Variants in CUL3 observed in about 807,000 individuals in gnomAD.
CUL3 encodes the protein cullin-3.
Under a neutral mutation model 89.1 loss-of-function variants are expected in CUL3, and 19 were observed. That is an observed-to-expected ratio of 0.21 (90% CI 0.15 to 0.31). The LOEUF (loss-of-function observed/expected upper bound fraction) is 0.31. Ranked by LOEUF, CUL3 falls within the 10% of genes least tolerant of loss-of-function variation. CUL3 has a pLI of 1.00. For missense variants in CUL3, 469 were observed against 942.3 expected (o/e 0.50, Z 6.58); for synonymous variants, 351 against 308.4 (o/e 1.14, Z -1.45).
intron 1 of CUL3, among the ~76,000 whole-genome samples, chr2:224,584,154 G>A (rs531757649): frequency 6.6e-6 from 1 of 152,258 alleles, no homozygotes; most frequent in East Asian, 1.9e-4. Flanking sequence ...AAGTTTCTGA[G>A]CAGAACACGT....
intron 15 of CUL3, among the ~76,000 whole-genome samples, chr2:224,477,546 A>G (rs1052794664): frequency 3.9e-5 from 6 of 152,212 alleles, no homozygotes; most frequent in Non-Finnish European, 8.8e-5. Flanking sequence ...GGATGTGCCA[A>G]TACACAATAA....
At chr2:224,557,894 A>AAAAAAAAAAAAAAAAAG in intron 1 of CUL3, 38 bp from the exon 2 acceptor site, 1 of 1,149,724 alleles carries the variant, frequency 8.7e-7, no homozygotes, top group South Asian at 1.4e-5. Context: ...AAAAAAAAAA[A>AAAAAAAAAAAAAAAAAG]AAAAAAAAAA....
intron 2 of CUL3, among the ~76,000 whole-genome samples, chr2:224,540,606 A>G (rs1398576889): frequency 1.3e-5 from 2 of 152,192 alleles, no homozygotes; most frequent in East Asian, 3.8e-4. Context: ...TTCCCTTTGC[A>G]GAACTTCTTC....
intron 1 of CUL3, among the ~76,000 whole-genome samples, chr2:224,580,553 G>A (rs760011613): frequency 6.6e-6 from 1 of 152,120 alleles, no homozygotes; most frequent in Non-Finnish European, 1.5e-5. Flanking sequence ...ACGTGGTGGC[G>A]CAAACCGGTA....
intron 2 of CUL3, among the ~76,000 whole-genome samples, chr2:224,553,997 C>T (rs901335206): frequency 1.3e-5 from 2 of 152,118 alleles, no homozygotes; most frequent in South Asian, 2.1e-4. Flanking sequence ...ATCTACTGGA[C>T]CATATCTTCA....
At chr2:224,489,468 A>G (rs1436459871) in intron 13 of CUL3, among the ~76,000 whole-genome samples, 1 of 152,236 alleles carries the variant, frequency 6.6e-6, no homozygotes, top group Admixed American at 6.5e-5. Flanking sequence ...AATAATAGAC[A>G]AACAGCCAAA....
At chr2:224,542,912 T>C (rs569758589) in intron 2 of CUL3, among the ~76,000 whole-genome samples, 8 of 152,148 alleles carry the variant, frequency 5.3e-5, no homozygotes, top group African/African-American at 1.2e-4. Flanking sequence ...AATATCTCCA[T>C]GGATTGACAA....
rs367875240 is a variant in CUL3, at chr2:224,559,222, G to A, written c.67-1366C>T. On this transcript the variant is annotated intron_variant, in intron 1 of 15. Transcript: ENST00000264414. ...CCTAGCATTTTGGGAGACTGAGGCA[G>A]AAGGATCACTGGAGCTTAGGAGTTT... Among the ~76,000 whole-genome samples the A allele has an allele frequency of 2.2e-3, 328 of 152,182 alleles. 5 individuals are homozygous for A. Among genetic ancestry groups the A allele is most frequent in the African/African-American group, 7.1e-3 (295 of 41,516 alleles).
At chr2:224,506,779 A>G (rs1692618264) in intron 7 of CUL3, 79 bp downstream of exon 7, 1 of 1,229,568 alleles carries the variant, frequency 8.1e-7, no homozygotes, top group South Asian at 1.4e-5. Flanking sequence ...CACAATACAC[A>G]GCATGGTAAA....
chr2:224,514,356 GA>G (rs1692953766), intron 4 of CUL3, among the ~76,000 whole-genome samples: 1 of 151,942 alleles, frequency 6.6e-6, no homozygotes, highest in Admixed American at 6.5e-5. Context: ...AAAAATAAAT[GA>G]AAAGCCAAAA....
chr2:224,523,050 A>G (rs1359450599), intron 3 of CUL3, among the ~76,000 whole-genome samples: 1 of 152,196 alleles, frequency 6.6e-6, no homozygotes, highest in Non-Finnish European at 1.5e-5. Context: ...GGGAAAAAAA[A>G]CAGTTAATCA....
At chr2:224,533,935 TGTTTGTTCTCATTG>T (rs1693784812) in intron 3 of CUL3, among the ~76,000 whole-genome samples, 1 of 152,232 alleles carries the variant, frequency 6.6e-6, no homozygotes. Context: ...ACTTTACAGC[TGTTTGTTCTCATTG>T]GAAATTCTTC....
intron 3 of CUL3, among the ~76,000 whole-genome samples, chr2:224,522,070 T>TA (rs71062936): frequency 0.064 from 8,487 of 133,648 alleles, 651 homozygotes; most frequent in East Asian, 0.2. Flanking sequence ...CATTTAAAAT[T>TA]AAAAAAAAAA....
intron 13 of CUL3, among the ~76,000 whole-genome samples, chr2:224,492,803 G>C (rs1373755913): frequency 6.6e-6 from 1 of 152,122 alleles, no homozygotes; most frequent in Non-Finnish European, 1.5e-5. Context: ...GCTGACTTGG[G>C]CAACCAAGAA....
At chr2:224,554,821 A>C (rs1694644285) in intron 2 of CUL3, among the ~76,000 whole-genome samples, 1 of 151,840 alleles carries the variant, frequency 6.6e-6, no homozygotes, top group Non-Finnish European at 1.5e-5. Flanking sequence ...TTAATCCCAT[A>C]CTCTCTATAT....
intron 13 of CUL3, among the ~76,000 whole-genome samples, chr2:224,492,872 G>C (rs1219947013): frequency 6.6e-6 from 1 of 152,204 alleles, no homozygotes; most frequent in Non-Finnish European, 1.5e-5. Context: ...TGCAGGTTCT[G>C]CCTGGGTCTT....
At chr2:224,562,481 T>C (rs1384395708) in intron 1 of CUL3, among the ~76,000 whole-genome samples, 1 of 151,594 alleles carries the variant, frequency 6.6e-6, no homozygotes, top group African/African-American at 2.4e-5. Context: ...CTACTAAAAA[T>C]ACAAAAAATA....
At chr2:224,489,380 T>G (rs1574620848) in intron 13 of CUL3, among the ~76,000 whole-genome samples, 1 of 152,190 alleles carries the variant, frequency 6.6e-6, no homozygotes, top group Non-Finnish European at 1.5e-5. Context: ...CCAAAAACTC[T>G]TTAAGCTGAT....
chr2:224,477,829 G>C (rs1341140922), intron 15 of CUL3, among the ~76,000 whole-genome samples: 1 of 152,072 alleles, frequency 6.6e-6, no homozygotes, highest in Non-Finnish European at 1.5e-5. Context: ...GCTTCCTAAG[G>C]GGTCTTCCCC....
Sources: gnomAD v4.1 joint callset for allele counts (sites outside exome capture counted in the v4.1 genomes callset) on GRCh38, gnomAD v4.1.1 for gene constraint, MANE v1.5 for transcripts, NCBI Gene and HGNC (gene_info 2026-07-23, HGNC 2026-07-21) for gene names.